MYOM2: variants seen among roughly 807,000 people sequenced by gnomAD.
MYOM2 encodes myomesin 2, also known as myomesin-2.
Under a neutral mutation model 187.6 loss-of-function variants are expected in MYOM2, and 254 were observed. The ratio of observed to expected loss-of-function variants is 1.35; its 90% CI spans 1.22 to 1.50. The LOEUF is 1.50. Ranked by LOEUF, MYOM2 falls within the 40% of genes most tolerant of loss-of-function variation. The pLI is 0.00. For missense variants in MYOM2, 2,796 were observed against 1,924.0 expected (o/e 1.45, Z -8.48); for synonymous variants, 981 against 753.8 (o/e 1.30, Z -4.94).
intron 34 of MYOM2, among the ~76,000 whole-genome samples, chr8:2,142,092 T>A (rs79257855): frequency 2.4e-5 from 3 of 123,970 alleles, no homozygotes; most frequent in South Asian, 2.6e-4. Context: ...AAAAAAAAAA[T>A]CTCTTCAACC....
intron 6 of MYOM2, among the ~76,000 whole-genome samples, chr8:2,064,451 G>A (rs1048559592): frequency 2.6e-5 from 4 of 152,214 alleles, no homozygotes; most frequent in South Asian, 2.1e-4. Context: ...CACCGCCGTC[G>A]TCAGTGGGTC....
In MYOM2 at chr8:2,106,514, C is replaced by T. The variant is rs577646766; in HGVS notation, c.2915C>T (p.Pro972Leu). Residue 972 changes from proline (P) to leucine (L), a missense_variant, in exon 23 of 37, where the codon CCG (proline) becomes CTG (leucine). Transcript: ENST00000262113. ...AGCTCCAAGCTGTACTTAAAGAATC[C>T]GGATAAGGAGGATTTAGGGACTTAC... Reference protein sequence around the residue: ...GDHSKLYLKNPDKEDLGTYSV... With the variant: ...GDHSKLYLKNLDKEDLGTYSV... 10 of 1,612,190 alleles carry T rather than the reference C, an allele frequency of 6.2e-6. No homozygotes were observed. The highest frequency in any genetic ancestry group is 4.5e-5 in the East Asian group (2 of 44,794).
In MYOM2 at chr8:2,109,374, C is replaced by T. The variant is rs373685277; in HGVS notation, c.3044-21C>T. On this transcript the variant is annotated intron_variant, in intron 24 of 36. Coordinates refer to ENST00000262113, the MANE Select transcript of MYOM2 (RefSeq NM_003970.4). ...CAAGGATTCATGCATTATTGACTTG[C>T]GATTTCTTTTCTTCCTGTAGCAATT... is the stretch of plus-strand genomic sequence containing the variant. 2.0e-5 allele frequency: 32 copies of T among 1,583,866 alleles called. No homozygotes were observed. The African/African-American group carries it at 2.3e-4, about 11-fold the overall frequency.
At chr8:2,081,202 C>G (rs1819614282) in intron 13 of MYOM2, among the ~76,000 whole-genome samples, 1 of 96,164 alleles carries the variant, frequency 1.0e-5, no homozygotes. Flanking sequence ...GGCAGCCCAG[C>G]CCGTGTAGAA....
chr8:2,074,149 GATAT>G (rs1408756387), intron 10 of MYOM2, among the ~76,000 whole-genome samples: 2 of 152,128 alleles, frequency 1.3e-5, no homozygotes, highest in Non-Finnish European at 2.9e-5. Context: ...GTGATATACA[GATAT>G]ATATATTTAT....
In MYOM2 at chr8:2,050,898, C is replaced by T. The variant is rs199803424; in HGVS notation, c.107+25C>T. On this transcript the variant is annotated intron_variant, in intron 2 of 36. Transcript: ENST00000262113. ...AGTAAGCTGACATTCGCTGATGAGACGCGCAGAGCTTTGATTATGGGGGTC... is the reference window on the plus strand; with the variant it reads ...AGTAAGCTGACATTCGCTGATGAGATGCGCAGAGCTTTGATTATGGGGGTC... The T allele has an allele frequency of 3.8e-5, 59 of 1,550,200 alleles. 2 individuals carry two copies. In the East Asian group the frequency reaches 9.5e-4, roughly 25 times the overall value.
rs761093890 is a variant in MYOM2, at chr8:2,123,582, A to G, written c.3595A>G (p.Lys1199Glu). ...KLSKKDHGEY[K>E]ATLKDDRGQD... ...GTCAAAGAAGGACCACGGTGAATAC[A>G]AGGCAACCTTGAAAGATGACAGAGG... is the stretch of plus-strand genomic sequence containing the variant. Residue 1199 changes from lysine to glutamate, a missense_variant, in exon 30 of 37, where the codon AAG becomes GAG. Transcript: ENST00000262113. 8.5e-5 allele frequency: 137 copies of G among 1,614,094 alleles called. No homozygotes were observed. The highest frequency in any genetic ancestry group is 1.1e-4 in the Non-Finnish European group (134 of 1,180,024).
At chr8:2,054,100 C>A (rs751936075) in intron 3 of MYOM2, among the ~76,000 whole-genome samples, 1 of 152,158 alleles carries the variant, frequency 6.6e-6, no homozygotes, top group Admixed American at 6.5e-5. Flanking sequence ...ACCACTCTCA[C>A]GGGCTGCAAG....
intron 13 of MYOM2, among the ~76,000 whole-genome samples, chr8:2,082,985 G>C (rs1222249806): frequency 6.6e-6 from 1 of 152,166 alleles, no homozygotes; most frequent in Non-Finnish European, 1.5e-5. Flanking sequence ...CCACCCAGTA[G>C]CTGTGCGATC....
intron 13 of MYOM2, among the ~76,000 whole-genome samples, chr8:2,080,244 C>T (rs1819574013): frequency 6.6e-6 from 1 of 152,178 alleles, no homozygotes; most frequent in African/African-American, 2.4e-5. Context: ...GATTTCAAAT[C>T]AGTGTGGAGC....
In MYOM2 at chr8:2,117,847, C is replaced by T. The variant is rs752959715; in HGVS notation, c.3386-38C>T. 3 of 1,501,734 alleles carry T rather than the reference C, an allele frequency of 2.0e-6. No individual in the cohort carries two copies. In the East Asian group the frequency reaches 6.8e-5, roughly 34 times the overall value. The allele number at this position is 1,501,734 out of a possible 1,614,324, so 93.0% of individuals were successfully genotyped here. On this transcript the variant is annotated intron_variant, in intron 27 of 36. Coordinates refer to ENST00000262113, the MANE Select transcript of MYOM2 (RefSeq NM_003970.4). ...CTATATATTTATTTGTTTACTTTTT[C>T]CTTTTTTATATGTTTTCTTCCCTTT...
chr8:2,138,588 T>C (rs1330147060), intron 32 of MYOM2, among the ~76,000 whole-genome samples: 1 of 152,194 alleles, frequency 6.6e-6, no homozygotes, highest in Admixed American at 6.5e-5. Context: ...AACACAGTTT[T>C]TAAAAGTTTA....
chr8:2,053,172 T>C (rs1310323617), intron 3 of MYOM2, among the ~76,000 whole-genome samples: 1 of 152,244 alleles, frequency 6.6e-6, no homozygotes, highest in African/African-American at 2.4e-5. Flanking sequence ...ATCTTTCATT[T>C]TGAAAGTTTC....
At chr8:2,102,893 G>A (rs1796757419) in intron 21 of MYOM2, 112 bp downstream of exon 21, 10 of 797,966 alleles carry the variant, frequency 1.3e-5, no homozygotes, top group African/African-American at 6.8e-5. Context: ...GAGTGAACAC[G>A]TGTTATGTGT....
At chr8:2,126,448 A>C (rs1417131835) in intron 31 of MYOM2, among the ~76,000 whole-genome samples, 3 of 151,924 alleles carry the variant, frequency 2.0e-5, no homozygotes, top group African/African-American at 4.8e-5. Flanking sequence ...GACACACACC[A>C]GTGTACCCAC....
chr8:2,098,993 T>C lies in MYOM2; in HGVS notation c.2440+10T>C. ...ACCATGCCGGAGCCCGGTGAGTCGC[T>C]GCCCCCAGGACACCCGCGTTCCAGC... is the stretch of plus-strand genomic sequence containing the variant. On this transcript the variant is annotated intron_variant, in intron 19 of 36. Transcript: ENST00000262113. 1.3e-6 allele frequency: 2 copies of C among 1,598,958 alleles called. No homozygotes were observed. The highest frequency in any genetic ancestry group is 1.7e-6 in the Non-Finnish European group (2 of 1,169,598).
At position 2,124,135 on chromosome 8, in the gene MYOM2, T is replaced by G. The variant is rs779070755; in HGVS notation, c.3656-44T>G. ...AAACATTGAAAATGCTGCTTTCGGT[T>G]AAAGTTACATGTCGTAATGGTGCGT... On this transcript the variant is annotated intron_variant, in intron 30 of 36. Coordinates refer to ENST00000262113, the MANE Select transcript of MYOM2 (RefSeq NM_003970.4). The G allele has an allele frequency of 2.5e-6, 4 of 1,577,286 alleles. No individual in the cohort carries two copies. The South Asian group carries it at 4.6e-5, about 18-fold the overall frequency.
At chr8:2,103,163 T>C (rs1796770306) in intron 21 of MYOM2, among the ~76,000 whole-genome samples, 1 of 151,332 alleles carries the variant, frequency 6.6e-6, no homozygotes, top group Middle Eastern at 3.2e-3. Context: ...AGATTGCGCA[T>C]GTATTGTGTG....
intron 19 of MYOM2, among the ~76,000 whole-genome samples, chr8:2,099,422 G>C (rs951480358): frequency 8.6e-5 from 13 of 151,984 alleles, no homozygotes; most frequent in African/African-American, 3.1e-4. Flanking sequence ...TCGTGGGTTA[G>C]CTCCTGCAGT....
Sources: allele counts gnomAD v4.1 joint callset (sites outside exome capture counted in the v4.1 genomes callset), GRCh38; gene constraint gnomAD v4.1.1; transcripts MANE v1.5; gene names NCBI Gene and HGNC (gene_info 2026-07-23, HGNC 2026-07-21).